MAD1L1: variants seen among roughly 807,000 people sequenced by gnomAD.
MAD1L1 encodes the protein mitotic arrest deficient 1 like 1.
A neutral mutation model predicts 96.9 loss-of-function variants in MAD1L1; 95 were observed. The ratio of observed to expected loss-of-function variants is 0.98; its 90% CI spans 0.83 to 1.16. The LOEUF is 1.16. Ranked by LOEUF, MAD1L1 falls within the 50% of genes most tolerant of loss-of-function variation. The pLI, the probability that MAD1L1 is intolerant of heterozygous loss-of-function variation, is 0.00. For synonymous variants in MAD1L1, 473 were observed against 396.6 expected (o/e 1.19, Z -2.29); for missense variants, 1,007 against 954.4 (o/e 1.06, Z -0.73).
intron 18 of MAD1L1, among the ~76,000 whole-genome samples, chr7:1,880,725 C>G (rs906963670): frequency 6.6e-6 from 1 of 152,248 alleles, no homozygotes; most frequent in African/African-American, 2.4e-5. Context: ...CACCCGGCCC[C>G]TGAGGGCAGG....
intron 11 of MAD1L1, among the ~76,000 whole-genome samples, chr7:2,126,004 GGGT>G (rs1788214263): frequency 6.6e-6 from 1 of 152,228 alleles, no homozygotes; most frequent in Non-Finnish European, 1.5e-5. Context: ...TCCTGGAGAG[GGGT>G]CATCTTCCAT....
In MAD1L1 at chr7:2,098,193, T is replaced by C. The variant is rs1300679492; in HGVS notation, c.1074-28855A>G. Among the ~76,000 whole-genome samples, 3 of 152,160 alleles carry C rather than the reference T, an allele frequency of 2.0e-5. No homozygotes were observed. In the East Asian group the frequency reaches 5.8e-4, roughly 29 times the overall value. Reference sequence around the variant, plus strand: ...AGGACTCAAAATGACCTTGAGTCTTTGAGGCCCCAGGACTGGGGCTGACTG... The same window carrying C: ...AGGACTCAAAATGACCTTGAGTCTTCGAGGCCCCAGGACTGGGGCTGACTG... On this transcript the variant is annotated intron_variant, in intron 11 of 18. Coordinates refer to ENST00000265854, the MANE Select transcript of MAD1L1 (RefSeq NM_001013836.2).
At chr7:2,044,981 C>G (rs1783856758) in intron 12 of MAD1L1, among the ~76,000 whole-genome samples, 1 of 152,192 alleles carries the variant, frequency 6.6e-6, no homozygotes, top group African/African-American at 2.4e-5. Context: ...ACAGAGGAAG[C>G]AGAGGCTCTG....
intron 18 of MAD1L1, among the ~76,000 whole-genome samples, chr7:1,866,597 G>A (rs2128651618): frequency 6.6e-6 from 1 of 152,334 alleles, no homozygotes; most frequent in Non-Finnish European, 1.5e-5. Context: ...GCTGGTGTGA[G>A]ACGCCACGGG....
intron 11 of MAD1L1, among the ~76,000 whole-genome samples, chr7:2,105,501 G>A (rs947278496): frequency 3.3e-5 from 5 of 152,222 alleles, no homozygotes; most frequent in African/African-American, 1.2e-4. Flanking sequence ...ATCATCACCC[G>A]AGGCATTCAT....
chr7:1,908,831 T>A (rs1787836386), intron 17 of MAD1L1, among the ~76,000 whole-genome samples: 1 of 152,108 alleles, frequency 6.6e-6, no homozygotes, highest in Admixed American at 6.5e-5. Context: ...CCAGCATGCA[T>A]TTCTCTCATG....
In MAD1L1 at chr7:2,103,235, C is replaced by T. The variant is rs1284542803; in HGVS notation, c.1074-33897G>A. On this transcript the variant is annotated intron_variant, in intron 11 of 18. Coordinates refer to ENST00000265854, the MANE Select transcript of MAD1L1 (RefSeq NM_001013836.2). The surrounding 1 kb of genome is among the most constrained non-coding windows in gnomAD (Gnocchi z 4.3). ...CCACATGGTGTGTCCAGAGGGAGGC[C>T]GTCCATCCGGCCACGCTGAGGGCCG... Among the ~76,000 whole-genome samples, 2 of 152,138 alleles carry T rather than the reference C, an allele frequency of 1.3e-5. No homozygotes were observed. The highest frequency in any genetic ancestry group is 2.9e-5 in the Non-Finnish European group (2 of 68,034).
chr7:2,094,655 C>T lies in MAD1L1; in HGVS notation c.1074-25317G>A, dbSNP rs560841339. Among the ~76,000 whole-genome samples, 8 of 152,144 alleles carry T rather than the reference C, an allele frequency of 5.3e-5. No individual in the cohort carries two copies. In the South Asian group the frequency reaches 6.2e-4, roughly 12 times the overall value. ...CAGTGCAAAGGCCCTGGGGCAGGAG[C>T]GGGGCTGGCAGGTGAGAAGGCCCCG... is the stretch of plus-strand genomic sequence containing the variant. On this transcript the variant is annotated intron_variant, in intron 11 of 18. Coordinates refer to ENST00000265854, the MANE Select transcript of MAD1L1 (RefSeq NM_001013836.2).
intron 15 of MAD1L1, among the ~76,000 whole-genome samples, chr7:1,976,622 C>T (rs899653137): frequency 6.6e-6 from 1 of 152,192 alleles, no homozygotes; most frequent in African/African-American, 2.4e-5. Flanking sequence ...AGCGGGTTGC[C>T]GCTGCTAGCT....
chr7:2,200,092 C>T (rs566804200), intron 10 of MAD1L1, among the ~76,000 whole-genome samples: 1 of 152,254 alleles, frequency 6.6e-6, no homozygotes, highest in Admixed American at 6.5e-5. Flanking sequence ...TCCTCCACCC[C>T]TCCCGGGGCG....
intron 10 of MAD1L1, among the ~76,000 whole-genome samples, chr7:2,184,413 C>A (rs930029545): frequency 7.2e-5 from 11 of 152,302 alleles, no homozygotes; most frequent in African/African-American, 2.6e-4. Flanking sequence ...ACACCAAATA[C>A]TGGTGAAAAT....
intron 10 of MAD1L1, 37 bp downstream of exon 10, chr7:2,213,175 A>AG: frequency 6.2e-7 from 1 of 1,611,322 alleles, no homozygotes; most frequent in Non-Finnish European, 8.5e-7. Context: ...GACCCTTCAA[A>AG]GAAGGCGGGA....
At chr7:2,048,666 C>T (rs889068003) in intron 12 of MAD1L1, among the ~76,000 whole-genome samples, 24 of 152,342 alleles carry the variant, frequency 1.6e-4, no homozygotes, top group African/African-American at 4.6e-4. Context: ...AGTCCCCCTC[C>T]GCCCCTCTGT....
chr7:2,007,832 C>A (rs1218925772), intron 13 of MAD1L1, among the ~76,000 whole-genome samples: 1 of 152,228 alleles, frequency 6.6e-6, no homozygotes, highest in Non-Finnish European at 1.5e-5. Context: ...TGGTATTGGT[C>A]AGTGGGTGAA....
chr7:2,232,654 G>A (rs918019727), intron 1 of MAD1L1, among the ~76,000 whole-genome samples: 1 of 152,210 alleles, frequency 6.6e-6, no homozygotes, highest in Non-Finnish European at 1.5e-5. Flanking sequence ...CCCAAAGGGG[G>A]AGTGGGGACA....
At chr7:2,199,276 T>C (rs945754561) in intron 10 of MAD1L1, among the ~76,000 whole-genome samples, 4 of 152,242 alleles carry the variant, frequency 2.6e-5, no homozygotes, top group Non-Finnish European at 5.9e-5. Context: ...AATGTTGGCA[T>C]ATGGACTAAG....
intron 12 of MAD1L1, among the ~76,000 whole-genome samples, chr7:2,032,642 A>C (rs1446406766): frequency 2.0e-5 from 3 of 152,186 alleles, no homozygotes; most frequent in Non-Finnish European, 2.9e-5. Context: ...ATTCAAAACA[A>C]GATGACTCGC....
At chr7:1,949,086 G>A (rs758416318) in intron 16 of MAD1L1, among the ~76,000 whole-genome samples, 26 of 152,174 alleles carry the variant, frequency 1.7e-4, no homozygotes, top group Non-Finnish European at 3.7e-4. Context: ...CTGGGGCAAC[G>A]CTGCCCGGGC....
intron 12 of MAD1L1, among the ~76,000 whole-genome samples, chr7:2,039,903 A>C (rs925102634): frequency 6.6e-6 from 1 of 152,190 alleles, no homozygotes; most frequent in African/African-American, 2.4e-5. Context: ...AGAAGGAACG[A>C]AATAATAAAT....
Sources: gnomAD v4.1 joint callset for allele counts (sites outside exome capture counted in the v4.1 genomes callset) on GRCh38, gnomAD v4.1.1 for gene constraint, Gnocchi (gnomAD v3.1) non-coding constraint, MANE v1.5 for transcripts, NCBI Gene and HGNC (gene_info 2026-07-23, HGNC 2026-07-21) for gene names.